TRIM48: variants seen among roughly 807,000 people sequenced by gnomAD.
The protein encoded by TRIM48 is tripartite motif containing 48, also known as E3 ubiquitin-protein ligase TRIM48.
A neutral mutation model predicts 29.5 loss-of-function variants in TRIM48; 31 were observed. The ratio of observed to expected loss-of-function variants is 1.05; its 90% CI spans 0.79 to 1.42. The LOEUF (loss-of-function observed/expected upper bound fraction) is 1.42. Ranked by LOEUF, TRIM48 falls within the 40% of genes most tolerant of loss-of-function variation. TRIM48 has a pLI of 0.00. For synonymous variants in TRIM48, 128 were observed against 90.6 expected (o/e 1.41, Z -2.34); for missense variants, 344 against 265.0 (o/e 1.30, Z -2.07).
In TRIM48 at chr11:55,270,800, A is replaced by G; in HGVS notation, c.*365A>G. 1 of 1,574,924 alleles carries G rather than the reference A, an allele frequency of 6.3e-7. No homozygotes were observed. The highest frequency in any genetic ancestry group is 8.6e-7 in the Non-Finnish European group (1 of 1,158,292). ...CAGTATGTCCCAAGACCTACCAACC[A>G]TGTAGAATTATTCCTGGATTGTGAA... On this transcript the variant is annotated 3_prime_UTR_variant, in exon 6 of 6. Transcript: ENST00000417545.
rs1351510096 is a variant in TRIM48 at position 55,269,234 on chromosome 11, C to T, written c.579-8C>T. The T allele has an allele frequency of 1.3e-6, 2 of 1,572,442 alleles. No individual in the cohort carries two copies. The highest frequency in any genetic ancestry group is 1.7e-6 in the Non-Finnish European group (2 of 1,165,664). Reference sequence around the variant, plus strand: ...GTAGATGTTGTAACTGCAGGTTTTTCCTTGCAGGAGTGAGTCCGTGCTGCT... The same window carrying T: ...GTAGATGTTGTAACTGCAGGTTTTTTCTTGCAGGAGTGAGTCCGTGCTGCT... On this transcript the variant is annotated splice_polypyrimidine_tract_variant and splice_region_variant and intron_variant, in intron 4 of 5. Transcript: ENST00000417545.
At chr11:55,264,106 T>C (rs1328396625) in intron 1 of TRIM48, among the ~76,000 whole-genome samples, 2 of 152,026 alleles carry the variant, frequency 1.3e-5, no homozygotes, top group East Asian at 3.9e-4. Context: ...AAATTCACCA[T>C]CACACCATGG....
At chr11:55,262,539 C>T (rs986452470) in intron 1 of TRIM48, among the ~76,000 whole-genome samples, 7 of 151,756 alleles carry the variant, frequency 4.6e-5, no homozygotes, top group Admixed American at 3.9e-4. Context: ...GTGTTTGCTG[C>T]AACAGATATG....
chr11:55,269,653 T>G (rs1298956192), intron 5 of TRIM48, among the ~76,000 whole-genome samples: 1 of 147,508 alleles, frequency 6.8e-6, no homozygotes, highest in Admixed American at 6.9e-5. Context: ...TTATTTAATG[T>G]TAAATACAAA....
At chr11:55,267,523 T>G in intron 3 of TRIM48, 1 of 1,578,262 alleles carries the variant, frequency 6.3e-7, no homozygotes, top group Non-Finnish European at 8.6e-7. Context: ...GAAAAGATAT[T>G]TTTCATCAAC....
Position 55,270,527 on chromosome 11 carries a change from A to T in TRIM48, c.*92A>T. On this transcript the variant is annotated 3_prime_UTR_variant, in exon 6 of 6. Coordinates refer to ENST00000417545, the MANE Select transcript of TRIM48 (RefSeq NM_024114.5). ...ATTTGTATTGGATGTGACCGTCAAA[A>T]TCCGCCCCATATCACTGCAACACCT... 10 of 1,581,694 alleles carry T rather than the reference A, an allele frequency of 6.3e-6. 1 individual carries two copies. The highest frequency in any genetic ancestry group is 2.4e-5 in the South Asian group (2 of 83,566).
In TRIM48 at chr11:55,269,393, G is replaced by T. The variant is rs2120117084; in HGVS notation, c.*1+54G>T. 1.9e-6 allele frequency: 3 copies of T among 1,538,676 alleles called. No individual in the cohort carries two copies. The East Asian group carries it at 7.4e-5, about 38-fold the overall frequency. On this transcript the variant is annotated intron_variant, in intron 5 of 5. Transcript: ENST00000417545. Reference sequence around the variant, plus strand: ...CACTATCTAAATATTATTATTGTTAGGATCACATAGGTAATATTTCATCCT... The same window carrying T: ...CACTATCTAAATATTATTATTGTTATGATCACATAGGTAATATTTCATCCT...
At chr11:55,269,140 T>G (rs1232247234) in intron 4 of TRIM48, 102 bp from the exon 5 acceptor site, 12 of 1,431,214 alleles carry the variant, frequency 8.4e-6, no homozygotes, top group Non-Finnish European at 1.0e-5. Flanking sequence ...TTATCAAATT[T>G]GTGGGTTCAA....
rs866894292 is a variant in TRIM48, at chr11:55,270,139, C to T, written c.*2-298C>T. ...CTTGATAACAGCATAGCATTTAGGGCGTATAATGTGCAAATTTTGCTTTGA... is the reference window on the plus strand; with the variant it reads ...CTTGATAACAGCATAGCATTTAGGGTGTATAATGTGCAAATTTTGCTTTGA... On this transcript the variant is annotated intron_variant, in intron 5 of 5. Coordinates refer to ENST00000417545, the MANE Select transcript of TRIM48 (RefSeq NM_024114.5). Among the ~76,000 whole-genome samples, 22 of 147,974 alleles carry T rather than the reference C, an allele frequency of 1.5e-4. 1 individual carries two copies. Among genetic ancestry groups the T allele is most frequent in the East Asian group, 4.3e-4 (2 of 4,654 alleles).
chr11:55,269,382 T>G, intron 5 of TRIM48, 43 bp downstream of exon 5: 1 of 1,556,784 alleles, frequency 6.4e-7, no homozygotes, highest in East Asian at 2.4e-5. Context: ...ATCTAAATAT[T>G]ATTATTGTTA....
Position 55,267,759 on chromosome 11 carries a change from A to G in TRIM48, c.556-591A>G, listed in dbSNP as rs1857415401. 3.5e-6 allele frequency: 5 copies of G among 1,432,980 alleles called. No individual in the cohort carries two copies. In the African/African-American group the frequency reaches 4.3e-5, roughly 12 times the overall value. 88.8% of individuals were successfully genotyped at this position (1,432,980 alleles called of 1,614,324 possible). ...GATGTGTTTCCAAAAACACATTCGC[A>G]TAACTAATGCTACTTTATTGGGAGA... On this transcript the variant is annotated intron_variant, in intron 3 of 5. Coordinates refer to ENST00000417545, the MANE Select transcript of TRIM48 (RefSeq NM_024114.5).
At position 55,262,242 on chromosome 11, in the gene TRIM48, G is replaced by A. The variant is rs372843544; in HGVS notation, c.-26G>A. The A allele has an allele frequency of 1.1e-4, 167 of 1,547,006 alleles. No homozygotes were observed. The African/African-American group carries it at 2.2e-3, about 20-fold the overall frequency. On this transcript the variant is annotated 5_prime_UTR_variant, in exon 1 of 6. It removes the in-frame stop codon of an upstream open reading frame in the 5' UTR. Transcript: ENST00000417545. ...TCAGTACTGCAGCGAATGAGCTCCT[G>A]ACCTTGAGGAGTACTTAACAGAATT...
At position 55,270,650 on chromosome 11, in the gene TRIM48, G is replaced by T. The variant is rs999758517; in HGVS notation, c.*215G>T. On this transcript the variant is annotated 3_prime_UTR_variant, in exon 6 of 6. Coordinates refer to ENST00000417545, the MANE Select transcript of TRIM48 (RefSeq NM_024114.5). ...TCTTGGAATTGGGCTTTTGGTGTCT[G>T]TAATAAGTATTGGAAAGGGAAGAAT... is the stretch of plus-strand genomic sequence containing the variant. 1.3e-6 allele frequency: 2 copies of T among 1,579,450 alleles called. No homozygotes were observed. Among genetic ancestry groups the T allele is most frequent in the African/African-American group, 2.7e-5 (2 of 73,298 alleles).
Position 55,267,595 on chromosome 11 carries a change from A to G in TRIM48, c.556-755A>G. The G allele has an allele frequency of 1.3e-6, 2 of 1,563,508 alleles. 1 individual carries two copies. The highest frequency in any genetic ancestry group is 2.4e-5 in the South Asian group (2 of 83,084). The stretch of plus-strand genomic sequence containing the variant: ...AGATTTTTAAGAGGAATGTAAGCGG[A>G]GCTGATGAAAATGTGCCATAAACCA... On this transcript the variant is annotated intron_variant, in intron 3 of 5. Coordinates refer to ENST00000417545, the MANE Select transcript of TRIM48 (RefSeq NM_024114.5).
chr11:55,270,590 C>T lies in TRIM48; in HGVS notation c.*155C>T. On this transcript the variant is annotated 3_prime_UTR_variant, in exon 6 of 6. Transcript: ENST00000417545. ...GCATGGGGTGCTCAGACTTTCACCT[C>T]TGGCAAATATTACTGGGAGGTCCAT... 2 of 1,583,544 alleles carry T rather than the reference C, an allele frequency of 1.3e-6. No homozygotes were observed. Among genetic ancestry groups the T allele is most frequent in the South Asian group, 1.2e-5 (1 of 83,648 alleles).
rs1200311012 is a variant in TRIM48 at position 55,265,021 on chromosome 11, T to A, written c.166T>A (p.Tyr56Asn). ...GCACAGCTTTTGCAGGCCCTGTTTCTACCTCAACTGGCAAGACATCCCAAT... is the reference window on the plus strand; with the variant it reads ...GCACAGCTTTTGCAGGCCCTGTTTCAACCTCAACTGGCAAGACATCCCAAT... ...CGHSFCRPCF[Y>N]LNWQDIPILT... is the part of the protein sequence containing the mutation. Residue 56 changes from tyrosine (Y) to asparagine (N), a missense_variant, in exon 2 of 6, where the codon TAC becomes AAC. Transcript: ENST00000417545. 2 of 1,584,392 alleles carry A rather than the reference T, an allele frequency of 1.3e-6. No individual in the cohort carries two copies. The highest frequency in any genetic ancestry group is 1.7e-6 in the Non-Finnish European group (2 of 1,166,346).
chr11:55,267,712 A>G, intron 3 of TRIM48: 2 of 1,527,340 alleles, frequency 1.3e-6, no homozygotes, highest in Middle Eastern at 2.5e-4. Context: ...GCTGAAATCC[A>G]TCTCCCTACC....
At chr11:55,269,542 A>G (rs1393359578) in intron 5 of TRIM48, among the ~76,000 whole-genome samples, 3 of 148,118 alleles carry the variant, frequency 2.0e-5, no homozygotes, top group African/African-American at 7.4e-5. Context: ...AAACAAATAC[A>G]TTATGGCCTC....
At chr11:55,264,129 A>C (rs1857349624) in intron 1 of TRIM48, among the ~76,000 whole-genome samples, 1 of 148,954 alleles carries the variant, frequency 6.7e-6, no homozygotes, top group Admixed American at 6.7e-5. Flanking sequence ...ATATAATTAC[A>C]CCTCTTTAAG....
Sources: allele counts gnomAD v4.1 joint callset (sites outside exome capture counted in the v4.1 genomes callset), GRCh38; gene constraint gnomAD v4.1.1; transcripts MANE v1.5; gene names NCBI Gene and HGNC (gene_info 2026-07-23, HGNC 2026-07-21).